TMCC1: variants seen among roughly 807,000 people sequenced by gnomAD.
TMCC1 encodes transmembrane and coiled-coil domain family 1.
In TMCC1, 15 loss-of-function variants were observed where a neutral mutation model predicts 52.4. The observed-to-expected ratio is 0.29, with a 90% CI of 0.19 to 0.44. The LOEUF is 0.44. Ranked by LOEUF, TMCC1 falls within the 20% of genes least tolerant of loss-of-function variation. TMCC1 has a pLI of 1.00. For synonymous variants in TMCC1, 279 were observed against 301.9 expected (o/e 0.92, Z 0.79); for missense variants, 503 against 806.0 (o/e 0.62, Z 4.55).
chr3:129,714,050 C>T (rs1347265498), intron 4 of TMCC1, among the ~76,000 whole-genome samples: 1 of 152,114 alleles, frequency 6.6e-6, no homozygotes, highest in African/African-American at 2.4e-5. Flanking sequence ...GTAAACCCAA[C>T]TGATAATTGT....
At chr3:129,875,298 G>A (rs2061141854) in intron 2 of TMCC1, among the ~76,000 whole-genome samples, 1 of 151,556 alleles carries the variant, frequency 6.6e-6, no homozygotes, top group African/African-American at 2.4e-5. Context: ...AACCAGCCTG[G>A]CCAACATGGC....
At chr3:129,678,090 G>T (rs1179764672) in intron 4 of TMCC1, among the ~76,000 whole-genome samples, 1 of 151,898 alleles carries the variant, frequency 6.6e-6, no homozygotes, top group Non-Finnish European at 1.5e-5. Flanking sequence ...ACCACACCTG[G>T]CTAATTTTTA....
chr3:129,754,705 A>C (rs940259875), intron 4 of TMCC1, among the ~76,000 whole-genome samples: 2 of 152,248 alleles, frequency 1.3e-5, no homozygotes, highest in African/African-American at 4.8e-5. Flanking sequence ...ACATCTTATT[A>C]CAACTTATAC....
chr3:129,872,036 G>A (rs1560590935), intron 2 of TMCC1, among the ~76,000 whole-genome samples: 2 of 152,206 alleles, frequency 1.3e-5, no homozygotes, highest in Non-Finnish European at 2.9e-5. Flanking sequence ...AAGGTCTTTA[G>A]AGAAAATTTT....
chr3:129,760,730 G>C, intron 4 of TMCC1, among the ~76,000 whole-genome samples: 1 of 151,614 alleles, frequency 6.6e-6, no homozygotes, highest in South Asian at 2.1e-4. Flanking sequence ...GCCCGCCTCG[G>C]GCTTCCAAAG....
In TMCC1 at chr3:129,775,296, A is replaced by C. The variant is rs142557409; in HGVS notation, c.576+52507T>G. Among the ~76,000 whole-genome samples the C allele has an allele frequency of 1.4e-4, 22 of 152,102 alleles. No individual in the cohort carries two copies. In the East Asian group the frequency reaches 2.9e-3, roughly 20 times the overall value. On this transcript the variant is annotated intron_variant, in intron 4 of 6. Transcript: ENST00000393238. ...AACCCCACCACCACATCTTAACCAC[A>C]ACAACAAAAATGTTTTAATTAGCCA...
chr3:129,777,418 T>C lies in TMCC1; in HGVS notation c.576+50385A>G, dbSNP rs143796199. Among the ~76,000 whole-genome samples, 7 of 152,324 alleles carry C rather than the reference T, an allele frequency of 4.6e-5. No individual in the cohort carries two copies. In the East Asian group the frequency reaches 1.3e-3, roughly 29 times the overall value. ...AAATTCACAAAAGAATGGGATTGTT[T>C]ATGGGGAAAACTACTTAGAGGTAAC... On this transcript the variant is annotated intron_variant, in intron 4 of 6. Coordinates refer to ENST00000393238, the MANE Select transcript of TMCC1 (RefSeq NM_001017395.5).
At chr3:129,829,452 C>CAAAA (rs138497403) in intron 3 of TMCC1, among the ~76,000 whole-genome samples, 1 of 71,196 alleles carries the variant, frequency 1.4e-5, no homozygotes, top group Non-Finnish European at 2.7e-5. Context: ...AAATCACATG[C>CAAAA]AAAAAAAAAA....
rs1156477823 is a variant in TMCC1 at position 129,651,868 on chromosome 3, C to T, written c.1648-73G>A. On this transcript the variant is annotated intron_variant, in intron 6 of 6. Coordinates refer to ENST00000393238, the MANE Select transcript of TMCC1 (RefSeq NM_001017395.5). This position sits in a 1 kb window ranked among gnomAD's most constrained non-coding sequence, Gnocchi z 5.1. ...CTGAGATGCTGACATGCCCCCTGGGCAAGCCAGATGCATCTTGAGCAATGC... is the reference window on the plus strand; with the variant it reads ...CTGAGATGCTGACATGCCCCCTGGGTAAGCCAGATGCATCTTGAGCAATGC... The T allele has an allele frequency of 6.7e-7, 1 of 1,488,338 alleles. No individual in the cohort carries two copies. The highest frequency in any genetic ancestry group is 1.4e-5 in the African/African-American group (1 of 71,558). The allele number at this position is 1,488,338 out of a possible 1,614,324, so 92.2% of individuals were successfully genotyped here. A position where few individuals can be genotyped will look rare whatever the true frequency, so the allele number is the denominator to read the frequency against.
intron 2 of TMCC1, among the ~76,000 whole-genome samples, chr3:129,843,020 C>T (rs1415893072): frequency 3.9e-5 from 6 of 152,052 alleles, no homozygotes; most frequent in African/African-American, 1.4e-4. Context: ...AGGCTTCTAC[C>T]TTGGCACAGT....
At chr3:129,880,160 G>C (rs1435622154) in intron 2 of TMCC1, 149 bp downstream of exon 2, 1 of 152,088 alleles carries the variant, frequency 6.6e-6, no homozygotes, top group East Asian at 1.9e-4. Flanking sequence ...TTGAGCTACA[G>C]GTGCTAGAAA....
At chr3:129,734,288 A>C (rs2050766348) in intron 4 of TMCC1, among the ~76,000 whole-genome samples, 1 of 152,222 alleles carries the variant, frequency 6.6e-6, no homozygotes, top group African/African-American at 2.4e-5. Context: ...GCATGATATC[A>C]AGTGAAAAGA....
intron 4 of TMCC1, among the ~76,000 whole-genome samples, chr3:129,825,626 C>T (rs2058624714): frequency 6.6e-6 from 1 of 151,756 alleles, no homozygotes; most frequent in Admixed American, 6.6e-5. Context: ...ACACATTCAA[C>T]AACAGTTGAA....
intron 3 of TMCC1, among the ~76,000 whole-genome samples, chr3:129,832,410 ACGCAG>A (rs1227942969): frequency 6.6e-6 from 1 of 152,178 alleles, no homozygotes; most frequent in Non-Finnish European, 1.5e-5. Context: ...GGGACAAAAA[ACGCAG>A]CCACCTACCA....
At chr3:129,709,185 C>T (rs1435328440) in intron 4 of TMCC1, among the ~76,000 whole-genome samples, 3 of 151,842 alleles carry the variant, frequency 2.0e-5, no homozygotes, top group Non-Finnish European at 4.4e-5. Flanking sequence ...TTAGATTGTC[C>T]GGTGTAGTGG....
intron 2 of TMCC1, among the ~76,000 whole-genome samples, chr3:129,849,639 A>ATG (rs2059823601): frequency 6.7e-6 from 1 of 149,998 alleles, no homozygotes; most frequent in Non-Finnish European, 1.5e-5. Flanking sequence ...GGTGGCGGGC[A>ATG]CCTGTAGTCC....
chr3:129,688,328 T>C lies in TMCC1; in HGVS notation c.577-17064A>G, dbSNP rs1001764858. The C allele has an allele frequency of 3.0e-6, 3 of 985,180 alleles. No homozygotes were observed. The African/African-American group carries it at 5.2e-5, about 17-fold the overall frequency. The allele number at this position is 985,180 out of a possible 1,614,324, so 61.0% of individuals were successfully genotyped here. A position where few individuals can be genotyped will look rare whatever the true frequency, so the allele number is the denominator to read the frequency against. ...TTTCCATTTGTTCCAGCTTCCAAAC[T>C]GCAGAGGAGCTGTGGCATAGTCTGT... On this transcript the variant is annotated intron_variant, in intron 4 of 6. Transcript: ENST00000393238.
chr3:129,812,718 A>G (rs1298530284), intron 4 of TMCC1, among the ~76,000 whole-genome samples: 1 of 152,188 alleles, frequency 6.6e-6, no homozygotes, highest in African/African-American at 2.4e-5. Context: ...AACTATAAAA[A>G]CCTTTGAAGA....
chr3:129,655,095 C>A lies in TMCC1; in HGVS notation c.1520G>T (p.Arg507Leu). The part of the protein sequence containing the change: ...TLQEERYRCE[R>L]LEEQLNDLTE... Reference sequence around the variant, plus strand: ...TAGGTCATTTAGCTGTTCTTCCAATCGTTCACATCTAAGGAGAAAAAAAAA... The same window carrying A: ...TAGGTCATTTAGCTGTTCTTCCAATAGTTCACATCTAAGGAGAAAAAAAAA... Residue 507 changes from arginine to leucine, a missense_variant, in exon 6 of 7, where the codon CGA (arginine) becomes CTA (leucine). By Grantham distance (102) the Arg-to-Leu change is moderately radical. Coordinates refer to ENST00000393238, the MANE Select transcript of TMCC1 (RefSeq NM_001017395.5). 6.2e-7 allele frequency: 1 copy of A among 1,613,552 alleles called. No individual in the cohort carries two copies.
Sources: gnomAD v4.1 joint callset for allele counts (sites outside exome capture counted in the v4.1 genomes callset) on GRCh38, gnomAD v4.1.1 for gene constraint, Gnocchi (gnomAD v3.1) non-coding constraint, MANE v1.5 for transcripts, NCBI Gene and HGNC (gene_info 2026-07-23, HGNC 2026-07-21) for gene names.